Variants in ADAMTS6 observed in about 807,000 individuals in gnomAD.
The protein encoded by ADAMTS6 is A disintegrin and metalloproteinase with thrombospondin motifs 6.
A neutral mutation model predicts 144.3 loss-of-function variants in ADAMTS6; 23 were observed. That is an observed-to-expected ratio of 0.16 (90% CI 0.11 to 0.23). The LOEUF (loss-of-function observed/expected upper bound fraction) is 0.23. Among genes scored for constraint, ADAMTS6 ranks in the 10% least tolerant of loss-of-function variants. ADAMTS6 has a pLI of 1.00. For synonymous variants in ADAMTS6, 444 were observed against 457.5 expected (o/e 0.97, Z 0.38); for missense variants, 999 against 1,379.6 (o/e 0.72, Z 4.37).
At chr5:65,273,520 G>T in intron 11 of ADAMTS6, 73 bp from the exon 12 acceptor site, 1 of 1,232,796 alleles carries the variant, frequency 8.1e-7, no homozygotes, top group Non-Finnish European at 1.2e-6. Context: ...TACACTTACA[G>T]TCACTCTGCA....
rs149791041 is a variant in ADAMTS6, at chr5:65,431,323, C to G, written c.1073+20152G>C. 7.9e-5 allele frequency among the ~76,000 whole-genome samples: 12 copies of G among 152,130 alleles called. No individual in the cohort carries two copies. The East Asian group carries it at 2.1e-3, about 27-fold the overall frequency. On this transcript the variant is annotated intron_variant, in intron 7 of 24. Coordinates refer to ENST00000381055, the MANE Select transcript of ADAMTS6 (RefSeq NM_197941.4). The stretch of plus-strand genomic sequence containing the variant: ...CCATATTGTATCATTTTAAGTATGT[C>G]TTTCAGGCTCTCCAAACCTATAAGG...
chr5:65,238,607 A>T (rs958175609), intron 15 of ADAMTS6, among the ~76,000 whole-genome samples: 2 of 152,148 alleles, frequency 1.3e-5, no homozygotes, highest in African/African-American at 4.8e-5. Context: ...CTCAAAAAAA[A>T]AAAAAGGAAT....
At chr5:65,236,694 C>G (rs1758699668) in intron 15 of ADAMTS6, among the ~76,000 whole-genome samples, 1 of 151,912 alleles carries the variant, frequency 6.6e-6, no homozygotes, top group Non-Finnish European at 1.5e-5. Flanking sequence ...ACCCAGAGGT[C>G]AAAGAACTCA....
In ADAMTS6 at chr5:65,316,438, A is replaced by T. The variant is rs954908746; in HGVS notation, c.1223+12940T>A. 2.0e-5 allele frequency among the ~76,000 whole-genome samples: 3 copies of T among 152,208 alleles called. 1 individual carries two copies. The highest frequency in any genetic ancestry group is 2.0e-4 in the Admixed American group (3 of 15,278). Reference sequence around the variant, plus strand: ...AAGAAAATGGAACCAAAACAAATGAAAAAAGCTAGAAAACAAACAGCAATA... The same window carrying T: ...AAGAAAATGGAACCAAAACAAATGATAAAAGCTAGAAAACAAACAGCAATA... On this transcript the variant is annotated intron_variant, in intron 9 of 24. Transcript: ENST00000381055.
intron 4 of ADAMTS6, among the ~76,000 whole-genome samples, chr5:65,455,847 G>T (rs1321762463): frequency 6.6e-6 from 1 of 151,714 alleles, no homozygotes; most frequent in African/African-American, 2.4e-5. Flanking sequence ...TTCAGTGTAA[G>T]GTAGTTGCTG....
At chr5:65,421,574 C>T (rs141091547) in intron 7 of ADAMTS6, among the ~76,000 whole-genome samples, 59 of 152,270 alleles carry the variant, frequency 3.9e-4, no homozygotes, top group Middle Eastern at 6.8e-3. Flanking sequence ...CATCATATTA[C>T]CCAGCTTCAA....
At chr5:65,423,068 T>C (rs1286533402) in intron 7 of ADAMTS6, among the ~76,000 whole-genome samples, 2 of 151,904 alleles carry the variant, frequency 1.3e-5, no homozygotes, top group Non-Finnish European at 2.9e-5. Context: ...AACTCAGGAG[T>C]GGAAAACCAA....
intron 10 of ADAMTS6, among the ~76,000 whole-genome samples, chr5:65,292,859 TAACA>T (rs920029856): frequency 5.7e-4 from 86 of 152,018 alleles, no homozygotes; most frequent in African/African-American, 2.0e-3. Context: ...ACTAACTAAC[TAACA>T]AAGAACAAAC....
chr5:65,425,760 G>A (rs1756453805), intron 7 of ADAMTS6, among the ~76,000 whole-genome samples: 1 of 151,766 alleles, frequency 6.6e-6, no homozygotes, highest in Non-Finnish European at 1.5e-5. Context: ...TTCAAGTAGT[G>A]CTGCTTCTTT....
intron 24 of ADAMTS6, among the ~76,000 whole-genome samples, chr5:65,159,231 C>G (rs1198453499): frequency 6.6e-6 from 1 of 152,168 alleles, no homozygotes; most frequent in Non-Finnish European, 1.5e-5. Context: ...TGCCTGGACT[C>G]TTAGAAAAAT....
intron 20 of ADAMTS6, among the ~76,000 whole-genome samples, chr5:65,204,277 C>T (rs1011396855): frequency 1.3e-5 from 2 of 151,916 alleles, no homozygotes; most frequent in Non-Finnish European, 2.9e-5. Context: ...AAGCCATATG[C>T]TTAAGGAAAA....
intron 3 of ADAMTS6, among the ~76,000 whole-genome samples, chr5:65,461,821 G>T (rs992997517): frequency 6.6e-6 from 1 of 152,094 alleles, no homozygotes; most frequent in African/African-American, 2.4e-5. Context: ...AAGGGGTTTT[G>T]CTGCTTTAAA....
intron 9 of ADAMTS6, among the ~76,000 whole-genome samples, chr5:65,326,274 T>A (rs918507370): frequency 2.4e-4 from 36 of 152,318 alleles, no homozygotes; most frequent in African/African-American, 8.4e-4. Flanking sequence ...ATTTTTAAAA[T>A]CTTTCAAAGA....
At chr5:65,410,398 A>T (rs1406352815) in intron 7 of ADAMTS6, among the ~76,000 whole-genome samples, 1 of 152,182 alleles carries the variant, frequency 6.6e-6, no homozygotes, top group Non-Finnish European at 1.5e-5. Flanking sequence ...TTCTTTCTTT[A>T]ATTGGCAAGT....
chr5:65,357,493 G>A (rs1580479534), intron 7 of ADAMTS6, among the ~76,000 whole-genome samples: 1 of 151,366 alleles, frequency 6.6e-6, no homozygotes, highest in African/African-American at 2.4e-5. Flanking sequence ...TCAGCAAAAG[G>A]AAGAAGATCA....
intron 7 of ADAMTS6, among the ~76,000 whole-genome samples, chr5:65,386,833 C>T (rs1372762342): frequency 3.9e-5 from 6 of 152,174 alleles, no homozygotes; most frequent in East Asian, 3.8e-4. Flanking sequence ...GTGATCCATT[C>T]GCCTCGGCCT....
At chr5:65,279,969 G>A (rs527502133) in intron 11 of ADAMTS6, among the ~76,000 whole-genome samples, 6 of 152,260 alleles carry the variant, frequency 3.9e-5, no homozygotes, top group Admixed American at 3.9e-4. Flanking sequence ...TTGAATTGTA[G>A]AAGTGCACCT....
At chr5:65,272,728 C>T (rs11743960) in intron 12 of ADAMTS6, among the ~76,000 whole-genome samples, 80,091 of 151,142 alleles carry the variant, frequency 0.53, 21,329 homozygotes, top group African/African-American at 0.58. Flanking sequence ...GAGACCAGCC[C>T]GGGCAACATG....
rs528375954 is a variant in ADAMTS6, at chr5:65,164,324, G to A, written c.3244+6293C>T. Among the ~76,000 whole-genome samples, 649 of 152,278 alleles carry A rather than the reference G, an allele frequency of 4.3e-3. 1 individual carries two copies. Among genetic ancestry groups the A allele is most frequent in the African/African-American group, 0.015 (606 of 41,548 alleles). On this transcript the variant is annotated intron_variant, in intron 24 of 24. Transcript: ENST00000381055. ...ACCCGAATATTGCGCTTTTCAGACC[G>A]GCTTAAAAAACGGCGCACCAGGAGA...
Sources: gnomAD v4.1 joint callset for allele counts (sites outside exome capture counted in the v4.1 genomes callset) on GRCh38, gnomAD v4.1.1 for gene constraint, MANE v1.5 for transcripts, NCBI Gene and HGNC (gene_info 2026-07-23, HGNC 2026-07-21) for gene names.